The following IMMP2L variants were observed in gnomAD, a reference collection of about 807,000 sequenced individuals.
IMMP2L encodes inner mitochondrial membrane peptidase subunit 2.
Under a neutral mutation model 19.3 loss-of-function variants are expected in IMMP2L, and 18 were observed. That is an observed-to-expected ratio of 0.93 (90% CI 0.64 to 1.38). IMMP2L has a LOEUF of 1.38. Ranked by LOEUF, IMMP2L falls within the 40% of genes most tolerant of loss-of-function variation. The pLI, the probability that IMMP2L is intolerant of heterozygous loss-of-function variation, is 0.00. For missense variants in IMMP2L, 233 were observed against 218.2 expected, an observed-to-expected ratio of 1.07 and a Z score of -0.43; for synonymous variants, 76 against 73.0, an observed-to-expected ratio of 1.04 and a Z score of -0.21.
intron 3 of IMMP2L, among the ~76,000 whole-genome samples, chr7:111,426,824 T>G (rs1836126297): frequency 6.6e-6 from 1 of 151,234 alleles, no homozygotes; most frequent in South Asian, 2.1e-4. Context: ...ATATGAGATT[T>G]TTTTAAATAA....
At chr7:110,913,118 A>T (rs1402056005) in intron 4 of IMMP2L, among the ~76,000 whole-genome samples, 1 of 152,108 alleles carries the variant, frequency 6.6e-6, no homozygotes, top group Non-Finnish European at 1.5e-5. Flanking sequence ...GATTACTAGG[A>T]TATGTTTAGT....
At chr7:110,856,805 T>A (rs1774585525) in intron 5 of IMMP2L, among the ~76,000 whole-genome samples, 1 of 152,066 alleles carries the variant, frequency 6.6e-6, no homozygotes, top group African/African-American at 2.4e-5. Flanking sequence ...CTCAGTAGTT[T>A]AGGCTTCCTA....
At chr7:111,020,130 T>A (rs1826132816) in intron 3 of IMMP2L, among the ~76,000 whole-genome samples, 1 of 148,924 alleles carries the variant, frequency 6.7e-6, no homozygotes, top group African/African-American at 2.5e-5. Context: ...ACACCTGTAA[T>A]CCCAGCACTT....
chr7:111,351,156 T>G (rs1828109184), intron 3 of IMMP2L, among the ~76,000 whole-genome samples: 1 of 152,198 alleles, frequency 6.6e-6, no homozygotes, highest in African/African-American at 2.4e-5. Context: ...ACCCATTAAA[T>G]CAAAATGAAT....
intron 3 of IMMP2L, among the ~76,000 whole-genome samples, chr7:110,988,913 T>C (rs932625943): frequency 1.3e-5 from 2 of 152,100 alleles, no homozygotes; most frequent in African/African-American, 4.8e-5. Flanking sequence ...AATGATCCTC[T>C]GGGAGAAAAA....
At chr7:111,023,571 G>A (rs1465871516) in intron 3 of IMMP2L, among the ~76,000 whole-genome samples, 2 of 151,752 alleles carry the variant, frequency 1.3e-5, no homozygotes, top group African/African-American at 2.4e-5. Context: ...TTAGCCAGGT[G>A]TGGTAGCAGG....
chr7:111,441,490 AT>A (rs1470824492), intron 3 of IMMP2L, among the ~76,000 whole-genome samples: 1 of 151,756 alleles, frequency 6.6e-6, no homozygotes, highest in Non-Finnish European at 1.5e-5. Flanking sequence ...GCACTTACTG[AT>A]TAGGTCGGGC....
intron 4 of IMMP2L, among the ~76,000 whole-genome samples, chr7:110,910,442 T>G (rs1240094440): frequency 6.6e-6 from 1 of 152,178 alleles, no homozygotes; most frequent in East Asian, 1.9e-4. Flanking sequence ...TACCATGTGG[T>G]CAAATGCAGT....
At chr7:110,699,577 C>T (rs1794116326) in intron 5 of IMMP2L, among the ~76,000 whole-genome samples, 1 of 152,054 alleles carries the variant, frequency 6.6e-6, no homozygotes, top group Non-Finnish European at 1.5e-5. Context: ...TCGAGACCAG[C>T]CTGGTCAACA....
intron 3 of IMMP2L, among the ~76,000 whole-genome samples, chr7:111,136,115 G>A (rs1426424748): frequency 6.6e-6 from 1 of 151,808 alleles, no homozygotes; most frequent in Non-Finnish European, 1.5e-5. Context: ...TGCAACCTCG[G>A]CCTCCTGGGT....
intron 5 of IMMP2L, among the ~76,000 whole-genome samples, chr7:110,826,581 G>T (rs533944520): frequency 6.6e-6 from 1 of 151,990 alleles, no homozygotes; most frequent in Non-Finnish European, 1.5e-5. Context: ...GCAAACTATC[G>T]CAAGGACAGA....
intron 3 of IMMP2L, among the ~76,000 whole-genome samples, chr7:111,136,347 G>C (rs1159842735): frequency 7.2e-5 from 11 of 152,028 alleles, no homozygotes; most frequent in Non-Finnish European, 1.3e-4. Flanking sequence ...TTTTTTAAAA[G>C]TCCTAGGAGT....
chr7:110,762,829 T>A (rs7781214), intron 5 of IMMP2L, among the ~76,000 whole-genome samples: 36,612 of 152,042 alleles, frequency 0.24, 5,035 homozygotes, highest in African/African-American at 0.38. Context: ...TAAAAGATAA[T>A]GTTCGGAGAG....
intron 3 of IMMP2L, chr7:111,122,944 T>C (rs778927762): frequency 6.2e-7 from 1 of 1,614,046 alleles, no homozygotes; most frequent in South Asian, 1.1e-5. Flanking sequence ...TTGTAATGAT[T>C]TAGGTCTTTT....
chr7:111,128,130 T>A (rs1801496052), intron 3 of IMMP2L, among the ~76,000 whole-genome samples: 1 of 152,182 alleles, frequency 6.6e-6, no homozygotes, highest in South Asian at 2.1e-4. Context: ...CACACAAACA[T>A]AAGTTTAAAA....
In IMMP2L at chr7:111,332,964, G is replaced by C. The variant is rs557173617; in HGVS notation, c.239+154274C>G. 6.6e-5 allele frequency among the ~76,000 whole-genome samples: 10 copies of C among 152,160 alleles called. No homozygotes were observed. The South Asian group carries it at 2.1e-3, about 32-fold the overall frequency. The stretch of plus-strand genomic sequence containing the variant: ...GAGGTAAGGGATATCTGGAATACAG[G>C]AGATCCCTTAGGGTGTCTCTTAGTA... On this transcript the variant is annotated intron_variant, in intron 3 of 5. Coordinates refer to ENST00000405709, the MANE Select transcript of IMMP2L (RefSeq NM_032549.4).
chr7:110,885,997 G>T (rs1810180841), intron 5 of IMMP2L, among the ~76,000 whole-genome samples: 1 of 151,946 alleles, frequency 6.6e-6, no homozygotes, highest in African/African-American at 2.4e-5. Flanking sequence ...ATAAAAGTAT[G>T]TACGTTTTTC....
intron 3 of IMMP2L, among the ~76,000 whole-genome samples, chr7:111,455,169 G>T (rs1263720799): frequency 6.6e-6 from 1 of 151,616 alleles, no homozygotes; most frequent in Non-Finnish European, 1.5e-5. Flanking sequence ...AATAAATTGT[G>T]TCCAGTGAAA....
At chr7:110,940,053 T>C (rs1189377374) in intron 4 of IMMP2L, among the ~76,000 whole-genome samples, 1 of 152,102 alleles carries the variant, frequency 6.6e-6, no homozygotes, top group Non-Finnish European at 1.5e-5. Context: ...ATAATGTGGC[T>C]CATTCCTGTA....
Sources: allele counts gnomAD v4.1 joint callset (sites outside exome capture counted in the v4.1 genomes callset), GRCh38; gene constraint gnomAD v4.1.1; transcripts MANE v1.5; gene names NCBI Gene and HGNC (gene_info 2026-07-23, HGNC 2026-07-21).